Variants in HCFC2 observed in about 807,000 individuals in gnomAD.
HCFC2 encodes host cell factor 2.
Under a neutral mutation model 89.2 loss-of-function variants are expected in HCFC2, and 18 were observed. The ratio of observed to expected loss-of-function variants is 0.20; its 90% CI spans 0.14 to 0.30. The LOEUF (loss-of-function observed/expected upper bound fraction) is 0.30, where lower values mean the gene tolerates loss of function less well. Ranked by LOEUF, HCFC2 falls within the 10% of genes least tolerant of loss-of-function variation. HCFC2 has a pLI of 1.00. For missense variants in HCFC2, 578 were observed against 956.1 expected, an observed-to-expected ratio of 0.60 and a Z score of 5.21; for synonymous variants, 308 against 335.7, an observed-to-expected ratio of 0.92 and a Z score of 0.90.
In HCFC2 at chr12:104,064,713, C is replaced by G. The variant is rs1192762156; in HGVS notation, c.153C>G (p.Val51=). Residue 51 remains valine (V), a synonymous_variant, in exon 1 of 15, where the codon GTC becomes GTG. Transcript: ENST00000229330. This position sits in a 1 kb window ranked among gnomAD's most constrained non-coding sequence, Gnocchi z 7.3. ...GNEGIADELH[V]YNTATNQWFL... ...AGGGCATCGCGGATGAGCTGCACGT[C>G]TACAACACGGGTAGGCGCGGCGGCG... 2 of 1,561,292 alleles carry G rather than the reference C, an allele frequency of 1.3e-6. No homozygotes were observed. Among genetic ancestry groups the G allele is most frequent in the African/African-American group, 1.4e-5 (1 of 70,554 alleles).
In HCFC2 at chr12:104,083,971, T is replaced by G. The variant is rs535740794; in HGVS notation, c.1063+1070T>G. Among the ~76,000 whole-genome samples, 22 of 152,230 alleles carry G rather than the reference T, an allele frequency of 1.4e-4. No homozygotes were observed. In the South Asian group the frequency reaches 4.6e-3, roughly 32 times the overall value. The stretch of plus-strand genomic sequence containing the variant: ...CCCAGGAGTCTGAGTCTACCTACAG[T>G]GAGCTCTGATTGCTCCACTGCACTC... On this transcript the variant is annotated intron_variant, in intron 7 of 14. Transcript: ENST00000229330.
At chr12:104,083,158 C>G (rs1027204047) in intron 7 of HCFC2, among the ~76,000 whole-genome samples, 34 of 152,088 alleles carry the variant, frequency 2.2e-4, no homozygotes, top group Admixed American at 5.9e-4. Flanking sequence ...AGAAACCTGG[C>G]AAGCACGAGA....
At chr12:104,087,410 C>CGTGTGTGT (rs10548495) in intron 8 of HCFC2, among the ~76,000 whole-genome samples, 1 of 133,210 alleles carries the variant, frequency 7.5e-6, no homozygotes, top group African/African-American at 2.9e-5. Flanking sequence ...TACTGCAGTA[C>CGTGTGTGT]GTGTGTGTGT....
In HCFC2 at chr12:104,086,969, T is replaced by C; in HGVS notation, c.1186T>C (p.Tyr396His). ...YLLQLSTDLPYQAASSDSSAA... is the reference protein window; with the variant it reads ...YLLQLSTDLPHQAASSDSSAA... ...TTTGCAGTTGAGTACAGACTTGCCA[T>C]ACCAAGCTGCATCATCAGATTCTTC... Residue 396 changes from tyrosine to histidine, a missense_variant, in exon 8 of 15, where the codon TAC (tyrosine) becomes CAC (histidine). Tyr to His is a moderately conservative substitution (Grantham distance 83, BLOSUM62 2). Coordinates refer to ENST00000229330, the MANE Select transcript of HCFC2 (RefSeq NM_013320.3). 1 of 1,614,108 alleles carries C rather than the reference T, an allele frequency of 6.2e-7. No individual in the cohort carries two copies. The highest frequency in any genetic ancestry group is 8.5e-7 in the Non-Finnish European group (1 of 1,179,944).
rs371559185 is a variant in HCFC2 at position 104,082,805 on chromosome 12, A to T, written c.967A>T (p.Ile323Phe). Reference sequence around the variant, plus strand: ...AAGAGCTGGCCACTGTGCTGTTGCAATCGGCACTCGATTGTATTTTTGGAG... The same window carrying T: ...AAGAGCTGGCCACTGTGCTGTTGCATTCGGCACTCGATTGTATTTTTGGAG... ...RPRAGHCAVA[I>F]GTRLYFWSGR... Residue 323 changes from isoleucine (I) to phenylalanine (F), a missense_variant, in exon 7 of 15, where the codon ATC (isoleucine) becomes TTC (phenylalanine). Ile to Phe is a conservative substitution (Grantham distance 21, BLOSUM62 0). Transcript: ENST00000229330. 6 of 1,614,072 alleles carry T rather than the reference A, an allele frequency of 3.7e-6. No homozygotes were observed. The highest frequency in any genetic ancestry group is 5.1e-6 in the Non-Finnish European group (6 of 1,179,962).
At chr12:104,083,709 T>C (rs1331425320) in intron 7 of HCFC2, among the ~76,000 whole-genome samples, 1 of 152,170 alleles carries the variant, frequency 6.6e-6, no homozygotes, top group East Asian at 1.9e-4. Context: ...TCTAAAATTA[T>C]TTTAAAATAA....
intron 3 of HCFC2, among the ~76,000 whole-genome samples, chr12:104,070,060 T>A (rs1273884439): frequency 6.6e-6 from 1 of 152,096 alleles, no homozygotes; most frequent in Non-Finnish European, 1.5e-5. Context: ...TCTCGCTCTG[T>A]CTCCCAGGCT....
At chr12:104,080,058 C>A (rs1883635115) in intron 4 of HCFC2, among the ~76,000 whole-genome samples, 2 of 152,164 alleles carry the variant, frequency 1.3e-5, no homozygotes, top group African/African-American at 4.8e-5. Context: ...CAGTAAAAAA[C>A]CCTTAGGTAG....
chr12:104,066,630 A>G (rs1051093167), intron 2 of HCFC2, among the ~76,000 whole-genome samples: 2 of 152,234 alleles, frequency 1.3e-5, no homozygotes, highest in Admixed American at 1.3e-4. Context: ...TTATATATTT[A>G]GGTTTTTGTA....
At position 104,102,948 on chromosome 12, in the gene HCFC2, C is replaced by CA; in HGVS notation, c.2065-11_2065-10insA. ...AGAACCTTTAACCTGTTTTTTCCCC[C>CA]CCCCTTCAAGAATGTTGAAGGTATC... On this transcript the variant is annotated splice_polypyrimidine_tract_variant and intron_variant, in intron 14 of 14. Transcript: ENST00000229330. 1 of 1,588,852 alleles carries CA rather than the reference C, an allele frequency of 6.3e-7. No individual in the cohort carries two copies. Among genetic ancestry groups the CA allele is most frequent in the East Asian group, 2.3e-5 (1 of 44,192 alleles).
intron 7 of HCFC2, among the ~76,000 whole-genome samples, chr12:104,084,209 C>T (rs904237503): frequency 1.1e-4 from 16 of 152,010 alleles, no homozygotes; most frequent in East Asian, 5.8e-4. Context: ...TGAGGGGGTA[C>T]GACAGCAAGG....
chr12:104,086,828 T>TATCATG lies in HCFC2; in HGVS notation c.1064-16_1064-11dup. ...ATACACTGGAAACTTAAATGTATAATATCATGATTGTTCTATAGAGAAACC... is the reference window on the plus strand; with the variant it reads ...ATACACTGGAAACTTAAATGTATAATATCATGATCATGATTGTTCTATAGAGAAACC... On this transcript the variant is annotated intron_variant, in intron 7 of 14. Transcript: ENST00000229330. The TATCATG allele has an allele frequency of 1.2e-6, 2 of 1,609,840 alleles. No individual in the cohort carries two copies. The highest frequency in any genetic ancestry group is 1.7e-6 in the Non-Finnish European group (2 of 1,176,754).
chr12:104,084,792 T>C (rs1883787159), intron 7 of HCFC2, among the ~76,000 whole-genome samples: 1 of 152,190 alleles, frequency 6.6e-6, no homozygotes, highest in Admixed American at 6.5e-5. Flanking sequence ...AGGGGAGGAC[T>C]GGATAAATTC....
At chr12:104,070,094 C>G (rs946693093) in intron 3 of HCFC2, among the ~76,000 whole-genome samples, 2 of 152,132 alleles carry the variant, frequency 1.3e-5, no homozygotes, top group Non-Finnish European at 1.5e-5. Flanking sequence ...GCAATCCCGT[C>G]TCACTGCAAG....
chr12:104,073,527 A>G (rs1284366339), intron 3 of HCFC2, among the ~76,000 whole-genome samples: 5 of 152,044 alleles, frequency 3.3e-5, no homozygotes, highest in Admixed American at 6.6e-5. Context: ...ATTTTCTTCT[A>G]TGGCTTTCTG....
At chr12:104,072,405 G>C (rs372336518) in intron 3 of HCFC2, among the ~76,000 whole-genome samples, 5 of 151,756 alleles carry the variant, frequency 3.3e-5, no homozygotes, top group African/African-American at 4.8e-5. Context: ...GTACAAAAAG[G>C]CTTACTGGGA....
At position 104,073,417 on chromosome 12, in the gene HCFC2, C is replaced by A. The variant is rs186853247; in HGVS notation, c.473+5310C>A. On this transcript the variant is annotated intron_variant, in intron 3 of 14. Coordinates refer to ENST00000229330, the MANE Select transcript of HCFC2 (RefSeq NM_013320.3). ...TGACCTCATGATCCGCCCGCCTCAG[C>A]CTCCCAAAGTGCTGGGATTACAAGC... is the stretch of plus-strand genomic sequence containing the variant. Among the ~76,000 whole-genome samples the A allele has an allele frequency of 2.4e-3, 361 of 152,208 alleles. 2 individuals carry two copies. In the Middle Eastern group the frequency reaches 0.024, roughly 10 times the overall value.
At chr12:104,098,581 G>A (rs900365262) in intron 13 of HCFC2, 101 bp downstream of exon 13, 2 of 1,243,602 alleles carry the variant, frequency 1.6e-6, no homozygotes, top group African/African-American at 1.5e-5. Flanking sequence ...TTAAGAATGA[G>A]ATTTCTTTTT....
intron 11 of HCFC2, 53 bp from the exon 12 acceptor site, chr12:104,096,307 A>T: frequency 8.2e-7 from 1 of 1,214,680 alleles, no homozygotes; most frequent in Non-Finnish European, 1.2e-6. Context: ...ATTATATTTT[A>T]ATGTATCTGA....
Sources: allele counts gnomAD v4.1 joint callset (sites outside exome capture counted in the v4.1 genomes callset), GRCh38; gene constraint gnomAD v4.1.1; non-coding constraint Gnocchi (gnomAD v3.1); transcripts MANE v1.5; gene names NCBI Gene and HGNC (gene_info 2026-07-23, HGNC 2026-07-21).